Variants in UXS1 observed in about 807,000 individuals in gnomAD.
UXS1 encodes UDP-glucuronate decarboxylase 1, also known as UDP-glucuronic acid decarboxylase 1.
UXS1 carries 33 observed loss-of-function variants against 62.6 expected under a neutral mutation model. That is an observed-to-expected ratio of 0.53 (90% CI 0.40 to 0.70). The LOEUF is 0.70. Among genes scored for constraint, UXS1 ranks in the 30% least tolerant of loss-of-function variants. The pLI, the probability that UXS1 is intolerant of heterozygous loss-of-function variation, is 0.00. For synonymous variants in UXS1, 213 were observed against 206.8 expected, an observed-to-expected ratio of 1.03 and a Z score of -0.26; for missense variants, 434 against 556.3, an observed-to-expected ratio of 0.78 and a Z score of 2.21.
At chr2:106,165,818 C>CGG (rs11446957) in intron 2 of UXS1, among the ~76,000 whole-genome samples, 1 of 152,128 alleles carries the variant, frequency 6.6e-6, no homozygotes, top group South Asian at 2.1e-4. Flanking sequence ...AGGAGGGAAG[C>CGG]GGGGGTGGCC....
intron 10 of UXS1, among the ~76,000 whole-genome samples, chr2:106,109,295 C>T (rs750381717): frequency 4.6e-4 from 70 of 152,210 alleles, no homozygotes; most frequent in African/African-American, 1.6e-3. Flanking sequence ...TATGGCTTTC[C>T]GCCACAAACG....
chr2:106,162,983 C>T (rs1229588415), intron 4 of UXS1, among the ~76,000 whole-genome samples: 1 of 152,148 alleles, frequency 6.6e-6, no homozygotes, highest in Non-Finnish European at 1.5e-5. Flanking sequence ...TTAATAAATG[C>T]TGTCATTTTT....
chr2:106,169,418 T>C (rs7606936), intron 1 of UXS1, among the ~76,000 whole-genome samples: 149,266 of 152,276 alleles, frequency 0.98, 73,216 homozygotes, highest in South Asian at 1. Context: ...TGATTTCAGG[T>C]TGGTGCGGTG....
intron 14 of UXS1, among the ~76,000 whole-genome samples, chr2:106,095,409 T>C (rs1313648312): frequency 6.6e-6 from 1 of 152,242 alleles, no homozygotes; most frequent in Non-Finnish European, 1.5e-5. Context: ...TTACGTAGAC[T>C]TGTACATGAC....
At chr2:106,100,956 G>A in intron 12 of UXS1, 102 bp downstream of exon 12, 2 of 1,379,756 alleles carry the variant, frequency 1.4e-6, no homozygotes, top group Non-Finnish European at 2.1e-6. Flanking sequence ...AATGTCCTAA[G>A]TGTGCCGATG....
chr2:106,149,419 G>C (rs1378503260), intron 5 of UXS1, among the ~76,000 whole-genome samples: 2 of 152,220 alleles, frequency 1.3e-5, no homozygotes, highest in East Asian at 1.9e-4. Context: ...ATTAGGCCAT[G>C]AGGTGAAGTA....
intron 11 of UXS1, among the ~76,000 whole-genome samples, chr2:106,103,819 T>C (rs1677814145): frequency 6.6e-6 from 1 of 152,252 alleles, no homozygotes; most frequent in South Asian, 2.1e-4. Flanking sequence ...AAATCTACAG[T>C]GGTTATTTTG....
intron 13 of UXS1, chr2:106,097,615 G>A (rs1377477484): frequency 4.5e-6 from 1 of 222,170 alleles, no homozygotes; most frequent in East Asian, 9.2e-5. Context: ...CGGATCACCT[G>A]AAGAGCCTGT....
intron 1 of UXS1, among the ~76,000 whole-genome samples, chr2:106,173,090 C>T (rs1294855563): frequency 6.6e-6 from 1 of 152,190 alleles, no homozygotes; most frequent in Non-Finnish European, 1.5e-5. Flanking sequence ...TGTTTATTGC[C>T]TGTTTGTGCC....
At chr2:106,095,667 C>T (rs1376805394) in intron 14 of UXS1, among the ~76,000 whole-genome samples, 3 of 152,190 alleles carry the variant, frequency 2.0e-5, no homozygotes, top group African/African-American at 2.4e-5. Context: ...CTACACTACA[C>T]GCCTCTGCCC....
intron 6 of UXS1, among the ~76,000 whole-genome samples, chr2:106,137,665 G>A (rs1032691103): frequency 5.3e-5 from 8 of 151,846 alleles, no homozygotes; most frequent in African/African-American, 1.9e-4. Flanking sequence ...TGTGGTGGCA[G>A]GCACCTGTAA....
intron 9 of UXS1, among the ~76,000 whole-genome samples, chr2:106,115,113 G>C (rs982609843): frequency 2.0e-5 from 3 of 152,180 alleles, no homozygotes; most frequent in Non-Finnish European, 2.9e-5. Context: ...ACAGTCGATG[G>C]ATGCTGACAC....
intron 1 of UXS1, among the ~76,000 whole-genome samples, chr2:106,192,892 G>GT (rs1020164751): frequency 2.0e-5 from 3 of 152,182 alleles, no homozygotes; most frequent in African/African-American, 7.2e-5. Flanking sequence ...CTCAACAAAT[G>GT]TAGGTAGTAT....
intron 1 of UXS1, among the ~76,000 whole-genome samples, chr2:106,181,055 C>A (rs760716370): frequency 1.6e-4 from 24 of 152,308 alleles, no homozygotes; most frequent in Non-Finnish European, 2.1e-4. Flanking sequence ...ATGGAACGAA[C>A]AGATACATTA....
intron 10 of UXS1, among the ~76,000 whole-genome samples, chr2:106,111,871 A>G (rs1678640721): frequency 6.6e-6 from 1 of 152,150 alleles, no homozygotes; most frequent in African/African-American, 2.4e-5. Flanking sequence ...AAAGTGCTCT[A>G]GGAGGCTACA....
intron 10 of UXS1, among the ~76,000 whole-genome samples, chr2:106,105,708 G>A (rs908146976): frequency 6.6e-6 from 1 of 152,256 alleles, no homozygotes; most frequent in African/African-American, 2.4e-5. Context: ...ATGAGCATCT[G>A]CTGAATGACC....
At chr2:106,137,461 A>G (rs181076637) in intron 6 of UXS1, among the ~76,000 whole-genome samples, 101 of 152,102 alleles carry the variant, frequency 6.6e-4, no homozygotes, top group Middle Eastern at 6.8e-3. Context: ...CCTCATACCC[A>G]CTGCCACTTT....
chr2:106,113,404 T>C (rs1678784731), intron 9 of UXS1, among the ~76,000 whole-genome samples: 1 of 152,224 alleles, frequency 6.6e-6, no homozygotes, highest in South Asian at 2.1e-4. Context: ...ACTGTTTAAA[T>C]AGTCATCCCT....
intron 5 of UXS1, among the ~76,000 whole-genome samples, chr2:106,157,276 T>A (rs74265615): frequency 6.6e-6 from 1 of 151,778 alleles, no homozygotes; most frequent in East Asian, 1.9e-4. Flanking sequence ...GCTGTTACTT[T>A]AAAAAAAATG....
Sources: gnomAD v4.1 joint callset for allele counts (sites outside exome capture counted in the v4.1 genomes callset) on GRCh38, gnomAD v4.1.1 for gene constraint, MANE v1.5 for transcripts, NCBI Gene and HGNC (gene_info 2026-07-23, HGNC 2026-07-21) for gene names.